Variants in PLCH1 observed in about 807,000 individuals in gnomAD.
PLCH1 encodes the protein 1-phosphatidylinositol 4,5-bisphosphate phosphodiesterase eta-1.
Under a neutral mutation model 126.7 loss-of-function variants are expected in PLCH1, and 60 were observed. That is an observed-to-expected ratio of 0.47 (90% CI 0.38 to 0.59). The LOEUF (loss-of-function observed/expected upper bound fraction) is 0.59. Ranked by LOEUF, PLCH1 falls within the 20% of genes least tolerant of loss-of-function variation. The probability of loss-of-function intolerance (pLI) is 0.00; values close to 1 mark genes in which losing one functional copy is unlikely to be tolerated. For synonymous variants in PLCH1, 719 were observed against 734.9 expected (o/e 0.98, Z 0.35); for missense variants, 1,723 against 2,040.0 (o/e 0.84, Z 2.99).
At chr3:155,593,182 T>C (rs1732438480) in intron 4 of PLCH1, among the ~76,000 whole-genome samples, 1 of 152,052 alleles carries the variant, frequency 6.6e-6, no homozygotes. Flanking sequence ...AAGAAGGGAA[T>C]CAAGGGAGTC....
At chr3:155,497,167 T>C (rs1404808795) in intron 15 of PLCH1, among the ~76,000 whole-genome samples, 153 bp downstream of exon 15, 2 of 152,212 alleles carry the variant, frequency 1.3e-5, no homozygotes, top group Non-Finnish European at 2.9e-5. Context: ...CTCAACACTA[T>C]AGCAGCAGTG....
At chr3:155,591,777 T>C (rs763963415) in intron 4 of PLCH1, among the ~76,000 whole-genome samples, 1 of 152,142 alleles carries the variant, frequency 6.6e-6, no homozygotes, top group Non-Finnish European at 1.5e-5. Flanking sequence ...TCTTGGTAGC[T>C]CACCGCTGCC....
At chr3:155,501,492 C>T (rs918999432) in intron 13 of PLCH1, among the ~76,000 whole-genome samples, 2 of 152,080 alleles carry the variant, frequency 1.3e-5, no homozygotes, top group Non-Finnish European at 2.9e-5. Context: ...CAACACAGAC[C>T]TCAACAATAC....
chr3:155,559,975 T>C (rs1460827656), intron 8 of PLCH1, among the ~76,000 whole-genome samples: 1 of 152,158 alleles, frequency 6.6e-6, no homozygotes, highest in South Asian at 2.1e-4. Context: ...CAAACAAAGC[T>C]GGAGGTTTAG....
At chr3:155,502,603 T>G (rs1023819971) in intron 13 of PLCH1, among the ~76,000 whole-genome samples, 38 of 152,292 alleles carry the variant, frequency 2.5e-4, no homozygotes, top group African/African-American at 8.9e-4. Flanking sequence ...ATGCAAAAAT[T>G]AGAAATAAGA....
At chr3:155,652,249 A>G (rs1019754100) in intron 2 of PLCH1, among the ~76,000 whole-genome samples, 2 of 152,192 alleles carry the variant, frequency 1.3e-5, no homozygotes, top group African/African-American at 2.4e-5. Flanking sequence ...TTTTTTGAGC[A>G]CCATGTTAAA....
intron 2 of PLCH1, among the ~76,000 whole-genome samples, chr3:155,639,893 GT>G (rs5853727): frequency 0.5 from 76,383 of 151,980 alleles, 22,198 homozygotes; most frequent in African/African-American, 0.79. Flanking sequence ...AGATCTGGTT[GT>G]TTAAATATGT....
At chr3:155,474,313 A>G (rs1394242470) in intron 21 of PLCH1, among the ~76,000 whole-genome samples, 2 of 149,036 alleles carry the variant, frequency 1.3e-5, no homozygotes, top group Non-Finnish European at 3.0e-5. Flanking sequence ...GCAGCCAAAA[A>G]ACACATGAAA....
rs758904649 is a variant in PLCH1 at position 155,523,966 on chromosome 3, C to G, written c.1401G>C (p.Glu467Asp). ...KLPYHLGDDA[E>D]EGEVSDEDSA... ...TGTCCTCATCAGAAACTTCCCCTTC[C>G]TCTGCATCATCCCCAAGGTGATAAG... Residue 467 changes from glutamate to aspartate, a missense_variant, in exon 11 of 23, where the codon GAG becomes GAC. Glu to Asp is a conservative substitution (Grantham distance 45, BLOSUM62 2). Coordinates refer to ENST00000460012, the MANE Select transcript of PLCH1 (RefSeq NM_014996.4). The G allele has an allele frequency of 1.2e-6, 2 of 1,608,588 alleles. No homozygotes were observed. Among genetic ancestry groups the G allele is most frequent in the East Asian group, 4.5e-5 (2 of 44,766 alleles).
intron 10 of PLCH1, among the ~76,000 whole-genome samples, chr3:155,543,583 T>C (rs1724728605): frequency 6.6e-6 from 1 of 152,124 alleles, no homozygotes; most frequent in Admixed American, 6.5e-5. Flanking sequence ...AGACACATAA[T>C]TGTCAGATTC....
chr3:155,726,500 T>C (rs1247814742), intron 1 of PLCH1, among the ~76,000 whole-genome samples: 2 of 152,194 alleles, frequency 1.3e-5, no homozygotes, highest in Non-Finnish European at 2.9e-5. Flanking sequence ...TGTTCTGCAG[T>C]TTAATTATAT....
chr3:155,502,360 T>A (rs1718032029), intron 13 of PLCH1, among the ~76,000 whole-genome samples: 1 of 152,230 alleles, frequency 6.6e-6, no homozygotes, highest in Admixed American at 6.5e-5. Flanking sequence ...ATACTGTCAA[T>A]ATTTATTAAA....
intron 21 of PLCH1, among the ~76,000 whole-genome samples, chr3:155,473,259 A>G (rs1232768535): frequency 6.6e-6 from 1 of 151,314 alleles, no homozygotes; most frequent in African/African-American, 2.4e-5. Context: ...ATGTACAAAA[A>G]TCACAAGCAT....
intron 1 of PLCH1, chr3:155,743,648 C>T (rs891814212): frequency 2.0e-5 from 8 of 395,096 alleles, no homozygotes; most frequent in African/African-American, 1.7e-4. Flanking sequence ...AACGCTGAGG[C>T]AACTGAAAAA....
chr3:155,545,906 C>T (rs539452325), intron 10 of PLCH1, among the ~76,000 whole-genome samples: 4 of 152,076 alleles, frequency 2.6e-5, no homozygotes, highest in Non-Finnish European at 5.9e-5. Context: ...TAACAGCTAT[C>T]TATGACAAAC....
intron 1 of PLCH1, among the ~76,000 whole-genome samples, chr3:155,732,228 A>G (rs1049340982): frequency 2.0e-5 from 3 of 152,128 alleles, no homozygotes; most frequent in Admixed American, 2.0e-4. Context: ...AATCATTTTA[A>G]AAGTCAAATT....
intron 21 of PLCH1, among the ~76,000 whole-genome samples, chr3:155,473,521 A>G (rs1713381146): frequency 6.7e-6 from 1 of 149,852 alleles, no homozygotes; most frequent in African/African-American, 2.4e-5. Flanking sequence ...TACAGATTCA[A>G]TGCCATCCCC....
intron 9 of PLCH1, among the ~76,000 whole-genome samples, chr3:155,550,557 C>T (rs80319054): frequency 0.022 from 3,347 of 152,270 alleles, 40 homozygotes; most frequent in Non-Finnish European, 0.031. Flanking sequence ...ATTCATTCTA[C>T]ACCAGCACTC....
intron 2 of PLCH1, among the ~76,000 whole-genome samples, chr3:155,695,011 C>G (rs910396945): frequency 6.7e-6 from 1 of 148,972 alleles, no homozygotes; most frequent in South Asian, 2.2e-4. Flanking sequence ...AAGAATTACC[C>G]CACAGACAAC....
Sources: allele counts gnomAD v4.1 joint callset (sites outside exome capture counted in the v4.1 genomes callset), GRCh38; gene constraint gnomAD v4.1.1; transcripts MANE v1.5; gene names NCBI Gene and HGNC (gene_info 2026-07-23, HGNC 2026-07-21).